SZT2: variants seen among roughly 807,000 people sequenced by gnomAD.
SZT2 encodes SZT2 subunit of KICSTOR complex, also known as KICSTOR complex protein SZT2.
In SZT2, 216 loss-of-function variants were observed where a neutral mutation model predicts 404.2. The ratio of observed to expected loss-of-function variants is 0.53; its 90% CI spans 0.48 to 0.60. The LOEUF (loss-of-function observed/expected upper bound fraction) is 0.60, where lower values mean the gene tolerates loss of function less well. SZT2 is among the 20% of genes least tolerant of loss of function. The pLI, the probability that SZT2 is intolerant of heterozygous loss-of-function variation, is 0.00. For synonymous variants in SZT2, 1,693 were observed against 1,749.9 expected (o/e 0.97, Z 0.81); for missense variants, 3,857 against 4,459.2 (o/e 0.86, Z 3.85).
rs534101178 is a variant in SZT2 at position 43,453,834 on chromosome 1, AGGCGGCG to A, written c.*3381_*3387del. ...GCCGGGCGGAGTCCGCGGGATCCAA[AGGCGGCG>A]GGCGGCGGGCGGCGGGCGGCGGGCG... is the stretch of plus-strand genomic sequence containing the variant. On this transcript the variant is annotated 3_prime_UTR_variant, in exon 72 of 72. Coordinates refer to ENST00000634258, the MANE Select transcript of SZT2 (RefSeq NM_001365999.1). 2.3e-3 allele frequency: 2,787 copies of A among 1,194,562 alleles called. 15 individuals carry two copies. Among genetic ancestry groups the A allele is most frequent in the East Asian group, 0.013 (372 of 29,052 alleles). The allele number at this position is 1,194,562 out of a possible 1,614,324, so 74.0% of individuals were successfully genotyped here. A position where few individuals can be genotyped will look rare whatever the true frequency, so the allele number is the denominator to read the frequency against.
intron 3 of SZT2, 148 bp from the exon 4 acceptor site, chr1:43,404,232 C>A: frequency 1.5e-6 from 1 of 688,456 alleles, no homozygotes; most frequent in South Asian, 2.1e-5. Flanking sequence ...CAAAAAACAC[C>A]CCAGAAACTG....
intron 1 of SZT2, among the ~76,000 whole-genome samples, chr1:43,393,672 G>A (rs1648667539): frequency 6.6e-6 from 1 of 152,178 alleles, no homozygotes; most frequent in African/African-American, 2.4e-5. Flanking sequence ...AGAAAAGGCT[G>A]AACAAATCAG....
intron 1 of SZT2, among the ~76,000 whole-genome samples, chr1:43,399,994 A>G (rs1165471378): frequency 1.3e-5 from 2 of 152,118 alleles, no homozygotes; most frequent in East Asian, 3.9e-4. Context: ...GCTGGAGTGC[A>G]GTGGTGTGAT....
intron 1 of SZT2, among the ~76,000 whole-genome samples, chr1:43,395,202 C>T (rs941768931): frequency 6.6e-6 from 1 of 152,180 alleles, no homozygotes; most frequent in Non-Finnish European, 1.5e-5. Flanking sequence ...CCATTCTCTC[C>T]TCACTTAACA....
rs1024902285 is a variant in SZT2 at position 43,453,978 on chromosome 1, G to A, written c.*3498G>A. The A allele has an allele frequency of 4.4e-4, 520 of 1,190,412 alleles. 4 individuals carry two copies. The highest frequency in any genetic ancestry group is 1.7e-3 in the Middle Eastern group (5 of 2,978). 73.7% of individuals were successfully genotyped at this position (1,190,412 alleles called of 1,614,324 possible). A position where few individuals can be genotyped will look rare whatever the true frequency, so the allele number is the denominator to read the frequency against. On this transcript the variant is annotated 3_prime_UTR_variant, in exon 72 of 72. Coordinates refer to ENST00000634258, the MANE Select transcript of SZT2 (RefSeq NM_001365999.1). ...CACGAAAAGCGCCTACGGTTAGCGA[G>A]AGAGGGATCACGGGGAGAGGCGAAG...
In SZT2 at chr1:43,445,598, C is replaced by T. The variant is rs559818707; in HGVS notation, c.8826-296C>T. 109 of 456,038 alleles carry T rather than the reference C, an allele frequency of 2.4e-4. 1 individual carries two copies. The highest frequency in any genetic ancestry group is 1.9e-3 in the South Asian group (69 of 35,628). 28.2% of individuals were successfully genotyped at this position (456,038 alleles called of 1,614,324 possible). ...TAATCAAATTGTAGACAGGCATCAC[C>T]TTCCCCCTTCTCTTTCCTGCCCAGC... On this transcript the variant is annotated intron_variant, in intron 62 of 71. Coordinates refer to ENST00000634258, the MANE Select transcript of SZT2 (RefSeq NM_001365999.1).
At chr1:43,433,613 C>T (rs1415064567) in intron 40 of SZT2, among the ~76,000 whole-genome samples, 1 of 152,200 alleles carries the variant, frequency 6.6e-6, no homozygotes, top group Admixed American at 6.5e-5. Flanking sequence ...GAAACCCCGT[C>T]TCCATTAAAA....
Position 43,420,678 on chromosome 1 carries a change from T to C in SZT2, c.1262-71T>C. 6.9e-7 allele frequency: 1 copy of C among 1,439,244 alleles called. No individual in the cohort carries two copies. Among genetic ancestry groups the C allele is most frequent in the Non-Finnish European group, 9.5e-7 (1 of 1,051,436 alleles). 89.2% of individuals were successfully genotyped at this position (1,439,244 alleles called of 1,614,324 possible). ...GGGTTCCATGAGGTAGGTGGGGGTTTCAGATAGAACTCGATCCCAGGCCTA... is the reference window on the plus strand; with the variant it reads ...GGGTTCCATGAGGTAGGTGGGGGTTCCAGATAGAACTCGATCCCAGGCCTA... On this transcript the variant is annotated intron_variant, in intron 9 of 71. Transcript: ENST00000634258. This position sits in a 1 kb window ranked among gnomAD's most constrained non-coding sequence, Gnocchi z 5.1.
intron 64 of SZT2, 23 bp downstream of exon 64, chr1:43,446,282 G>A: frequency 6.2e-7 from 1 of 1,614,198 alleles, no homozygotes. Flanking sequence ...AGCACTGAGT[G>A]GAGACAGCCA....
intron 66 of SZT2, 117 bp downstream of exon 66, chr1:43,447,285 A>G: frequency 1.7e-6 from 2 of 1,203,172 alleles, no homozygotes; most frequent in Non-Finnish European, 2.3e-6. Flanking sequence ...TAATCATCTC[A>G]TGTCACACAT....
Position 43,453,732 on chromosome 1 carries a change from G to T in SZT2, c.*3252G>T, listed in dbSNP as rs779525531. On this transcript the variant is annotated 3_prime_UTR_variant, in exon 72 of 72. Coordinates refer to ENST00000634258, the MANE Select transcript of SZT2 (RefSeq NM_001365999.1). ...GCTGCCCGCGGCCCGCACCCGCGCG[G>T]GGAGGCCGGAGAGCTCGGGGAATAG... is the stretch of plus-strand genomic sequence containing the variant. 1 of 1,387,518 alleles carries T rather than the reference G, an allele frequency of 7.2e-7. No homozygotes were observed. 86.0% of individuals were successfully genotyped at this position (1,387,518 alleles called of 1,614,324 possible).
intron 1 of SZT2, among the ~76,000 whole-genome samples, chr1:43,397,956 A>T (rs189930069): frequency 1.3e-5 from 2 of 152,328 alleles, no homozygotes; most frequent in African/African-American, 2.4e-5. Context: ...TATTAAACCT[A>T]GATTTGCCGT....
At position 43,426,785 on chromosome 1, in the gene SZT2, A is replaced by G. The variant is rs1203439403; in HGVS notation, c.3285A>G (p.Thr1095=). ...AAGCAGTCGGCAGCACCCAGGCCAC[A>G]GGAGACTCCGCTTTTACTTCCCTGG... is the stretch of plus-strand genomic sequence containing the variant. ...KEQAVGSTQA[T]GDSAFTSLSV... is the part of the protein sequence containing the mutation. The change falls in exon 23 of 72, where the codon ACA becomes ACG. Residue 1095 remains threonine, a synonymous_variant. Coordinates refer to ENST00000634258, the MANE Select transcript of SZT2 (RefSeq NM_001365999.1). This position sits in a 1 kb window ranked among gnomAD's most constrained non-coding sequence, Gnocchi z 4.9. 4 of 1,613,684 alleles carry G rather than the reference A, an allele frequency of 2.5e-6. No homozygotes were observed. The highest frequency in any genetic ancestry group is 3.4e-6 in the Non-Finnish European group (4 of 1,179,880).
At position 43,403,632 on chromosome 1, in the gene SZT2, G is replaced by C. The variant is rs2153929670; in HGVS notation, c.185G>C (p.Ser62Thr). ...TCTGAACAGGAATTGGAAGTCCTCA[G>C]TGTCCTGCCCCCTGGGTGGCAGCCA... ...LQSEQELEVL[S>T]VLPPGWQPDE... Residue 62 changes from serine (S) to threonine (T), a missense_variant, in exon 3 of 72, where the codon AGT (serine) becomes ACT (threonine). This residue lies in a region of SZT2 where 536 missense variants were observed against 637.4 expected (regional missense o/e 0.84). Coordinates refer to ENST00000634258, the MANE Select transcript of SZT2 (RefSeq NM_001365999.1). 1.2e-6 allele frequency: 2 copies of C among 1,614,012 alleles called. No individual in the cohort carries two copies. Among genetic ancestry groups the C allele is most frequent in the Non-Finnish European group, 1.7e-6 (2 of 1,179,924 alleles).
rs1331806671 is a variant in SZT2, at chr1:43,438,914, C to T, written c.6628-15C>T. ...CTTCTGCATTCAGCTCTGCCCTCTT[C>T]TTCCCACTCTGCAGTTCATCCAGCC... On this transcript the variant is annotated splice_polypyrimidine_tract_variant and intron_variant, in intron 47 of 71. Coordinates refer to ENST00000634258, the MANE Select transcript of SZT2 (RefSeq NM_001365999.1). The T allele has an allele frequency of 2.5e-6, 4 of 1,614,062 alleles. No individual in the cohort carries two copies. Among genetic ancestry groups the T allele is most frequent in the African/African-American group, 2.7e-5 (2 of 74,928 alleles).
chr1:43,441,975 T>G lies in SZT2; in HGVS notation c.7743-25T>G, dbSNP rs1162523285. 4 of 1,602,952 alleles carry G rather than the reference T, an allele frequency of 2.5e-6. No individual in the cohort carries two copies. Among genetic ancestry groups the G allele is most frequent in the African/African-American group, 1.3e-5 (1 of 74,764 alleles). On this transcript the variant is annotated intron_variant, in intron 55 of 71. Coordinates refer to ENST00000634258, the MANE Select transcript of SZT2 (RefSeq NM_001365999.1). The surrounding 1 kb of genome is among the most constrained non-coding windows in gnomAD (Gnocchi z 4.8). Reference sequence around the variant, plus strand: ...CAGGGAGTGGTGTCATGGATGGCCTTTCTGTCTGTCCTCCCTTTCAATAGG... The same window carrying G: ...CAGGGAGTGGTGTCATGGATGGCCTGTCTGTCTGTCCTCCCTTTCAATAGG...
In SZT2 at chr1:43,452,646, C is replaced by G; in HGVS notation, c.*2166C>G. The G allele has an allele frequency of 1.7e-6, 1 of 598,522 alleles. No individual in the cohort carries two copies. The highest frequency in any genetic ancestry group is 2.9e-5 in the Admixed American group (1 of 34,568). The allele number at this position is 598,522 out of a possible 1,614,324, so 37.1% of individuals were successfully genotyped here. On this transcript the variant is annotated 3_prime_UTR_variant, in exon 72 of 72. Transcript: ENST00000634258. ...TGTCCTGACCTTTGCTTGCCCTTCT[C>G]AGGTATTCCATGCTGCTGTCTCTAC... is the stretch of plus-strand genomic sequence containing the variant.
chr1:43,413,205 A>G (rs1651287271), intron 4 of SZT2, among the ~76,000 whole-genome samples: 2 of 152,198 alleles, frequency 1.3e-5, no homozygotes, highest in South Asian at 4.1e-4. Flanking sequence ...CAACATGGTG[A>G]AACCTTGTCT....
chr1:43,393,050 A>G (rs949851010), intron 1 of SZT2, among the ~76,000 whole-genome samples: 11 of 152,244 alleles, frequency 7.2e-5, no homozygotes, highest in Non-Finnish European at 1.3e-4. Context: ...AGGGTGTTTA[A>G]CAGTGGTTCT....
Sources: allele counts gnomAD v4.1 joint callset (sites outside exome capture counted in the v4.1 genomes callset), GRCh38; gene constraint gnomAD v4.1.1; regional missense constraint gnomAD v4.1.1; non-coding constraint Gnocchi (gnomAD v3.1); transcripts MANE v1.5; gene names NCBI Gene and HGNC (gene_info 2026-07-23, HGNC 2026-07-21).